Variants in COL19A1 observed in about 807,000 individuals in gnomAD.
COL19A1 encodes collagen type XIX alpha 1 chain, also known as collagen alpha-1(XIX) chain.
COL19A1 carries 159 observed loss-of-function variants against 190.2 expected under a neutral mutation model. The observed-to-expected ratio is 0.84, with a 90% CI of 0.73 to 0.95. The LOEUF (loss-of-function observed/expected upper bound fraction) is 0.95. COL19A1 is among the 40% of genes least tolerant of loss of function. The probability of loss-of-function intolerance (pLI) is 0.00; values close to 1 mark genes in which losing one functional copy is unlikely to be tolerated. For synonymous variants in COL19A1, 509 were observed against 458.9 expected (o/e 1.11, Z -1.39); for missense variants, 1,418 against 1,431.9 (o/e 0.99, Z 0.16).
chr6:70,161,951 C>A lies in COL19A1; in HGVS notation c.2344C>A (p.Pro782Thr), dbSNP rs1787835603. The A allele has an allele frequency of 6.3e-7, 1 of 1,598,204 alleles. No homozygotes were observed. Among genetic ancestry groups the A allele is most frequent in the Non-Finnish European group, 8.5e-7 (1 of 1,173,268 alleles). ...IPGAPGPTGP[P>T]GLMGRTGHPG... The stretch of plus-strand genomic sequence containing the variant: ...AGGTGCTCCAGGCCCGACTGGACCC[C>A]CTGTAAGTATTTGTTAAAACGATTG... The change falls in exon 35 of 51, where the codon CCT (proline) becomes ACT (threonine). Residue 782 changes from proline to threonine, a missense_variant and splice_region_variant. By Grantham distance (38) the Pro-to-Thr change is conservative. Transcript: ENST00000620364.
rs116609638 is a variant in COL19A1, at chr6:70,047,981, G to A, written c.1170+12042G>A. On this transcript the variant is annotated intron_variant, in intron 14 of 50. Coordinates refer to ENST00000620364, the MANE Select transcript of COL19A1 (RefSeq NM_001858.6). ...AAAATGGCTGTGTTGCTCTGGCCAT[G>A]TCTCTTTGGGAAGTTATTAAATACT... 8.9e-3 allele frequency among the ~76,000 whole-genome samples: 1,348 copies of A among 152,208 alleles called. 16 individuals carry two copies. The highest frequency in any genetic ancestry group is 0.031 in the African/African-American group (1,279 of 41,544).
chr6:70,043,989 G>A (rs970056118), intron 14 of COL19A1, among the ~76,000 whole-genome samples: 1 of 152,196 alleles, frequency 6.6e-6, no homozygotes, highest in Non-Finnish European at 1.5e-5. Context: ...GTTGCGTGGT[G>A]TGGTTACCTT....
intron 38 of COL19A1, 32 bp from the exon 39 acceptor site, chr6:70,168,138 CT>C (rs1423519324): frequency 2.6e-6 from 4 of 1,553,664 alleles, no homozygotes; most frequent in Non-Finnish European, 3.5e-6. Flanking sequence ...TCTCATCTTT[CT>C]CTTTTTCTTT....
At chr6:70,198,010 G>C (rs779731378) in intron 48 of COL19A1, among the ~76,000 whole-genome samples, 18 of 152,034 alleles carry the variant, frequency 1.2e-4, no homozygotes, top group Non-Finnish European at 2.5e-4. Context: ...AAAACTCATG[G>C]GAAAACAGAT....
rs1439478080 is a variant in COL19A1, at chr6:70,207,181, C to A, written c.3336C>A (p.Gly1112=). 6.8e-6 allele frequency: 11 copies of A among 1,613,016 alleles called. No homozygotes were observed. Among genetic ancestry groups the A allele is most frequent in the Non-Finnish European group, 9.3e-6 (11 of 1,179,214 alleles). Residue 1112 remains glycine (G), a synonymous_variant, in exon 51 of 51, where the codon GGC becomes GGA. Transcript: ENST00000620364. ...TGCCAGGCTCACCAGGTGCCCCAGG[C>A]CCACAGGGCCCCCCAGGACCCAGTG... The part of the protein sequence containing the change: ...LGLPGSPGAP[G]PQGPPGPSGR...
At chr6:69,902,135 G>C (rs1770230893) in intron 4 of COL19A1, among the ~76,000 whole-genome samples, 1 of 152,158 alleles carries the variant, frequency 6.6e-6, no homozygotes, top group Non-Finnish European at 1.5e-5. Flanking sequence ...GTATCAAGTA[G>C]CTTGGCTCAT....
chr6:69,972,308 T>C (rs1426401695), intron 11 of COL19A1, among the ~76,000 whole-genome samples: 3 of 152,226 alleles, frequency 2.0e-5, no homozygotes. Context: ...TTTACCACAA[T>C]TTATAATTAT....
intron 9 of COL19A1, among the ~76,000 whole-genome samples, chr6:69,948,167 T>C (rs1244885755): frequency 1.3e-5 from 2 of 151,848 alleles, no homozygotes; most frequent in Admixed American, 1.3e-4. Context: ...TTTCAGATCA[T>C]TAGGAGTTTT....
chr6:70,059,112 G>A (rs762458459), intron 14 of COL19A1, among the ~76,000 whole-genome samples: 1 of 151,960 alleles, frequency 6.6e-6, no homozygotes, highest in African/African-American at 2.4e-5. Flanking sequence ...CCTAGTAGTA[G>A]TTTAGAATTT....
intron 4 of COL19A1, among the ~76,000 whole-genome samples, chr6:69,919,954 G>C (rs1771585131): frequency 6.6e-6 from 1 of 152,056 alleles, no homozygotes. Flanking sequence ...AGGGGGTGCA[G>C]TATGTGCCAA....
At chr6:69,969,187 A>T (rs572655395) in intron 11 of COL19A1, among the ~76,000 whole-genome samples, 19 of 152,314 alleles carry the variant, frequency 1.2e-4, no homozygotes, top group Admixed American at 2.6e-4. Flanking sequence ...ATAAAATCTT[A>T]ATATTTTGAC....
intron 11 of COL19A1, among the ~76,000 whole-genome samples, chr6:70,017,663 C>T (rs911488174): frequency 6.6e-5 from 10 of 152,052 alleles, no homozygotes; most frequent in African/African-American, 1.7e-4. Flanking sequence ...GGAGCAGCAA[C>T]ACTTAGAGGA....
chr6:70,179,553 A>T (rs1190445162), intron 42 of COL19A1, among the ~76,000 whole-genome samples: 1 of 152,206 alleles, frequency 6.6e-6, no homozygotes, highest in Non-Finnish European at 1.5e-5. Flanking sequence ...ATGGCTTTTC[A>T]AATCAAACAT....
intron 11 of COL19A1, among the ~76,000 whole-genome samples, chr6:69,997,026 T>TATAG (rs576813975): frequency 9.0e-4 from 132 of 146,968 alleles, no homozygotes; most frequent in Middle Eastern, 3.5e-3. Context: ...TATATATATA[T>TATAG]AGAGAGAGAG....
chr6:69,895,249 C>T (rs969395100), intron 2 of COL19A1, among the ~76,000 whole-genome samples: 3 of 152,124 alleles, frequency 2.0e-5, no homozygotes, highest in Non-Finnish European at 4.4e-5. Flanking sequence ...AAAAGTCTCC[C>T]GACCCCAAGG....
intron 14 of COL19A1, among the ~76,000 whole-genome samples, chr6:70,058,125 G>A (rs560715666): frequency 2.6e-5 from 4 of 152,046 alleles, no homozygotes; most frequent in South Asian, 2.1e-4. Context: ...AAACAATAGC[G>A]ACAGAGAACA....
chr6:70,174,832 G>T (rs576543840), intron 41 of COL19A1, among the ~76,000 whole-genome samples: 26 of 152,288 alleles, frequency 1.7e-4, no homozygotes, highest in African/African-American at 6.0e-4. Flanking sequence ...ACCATCAATG[G>T]ATTAGGGTTT....
At chr6:69,963,906 A>T (rs1454961509) in intron 11 of COL19A1, among the ~76,000 whole-genome samples, 1 of 152,248 alleles carries the variant, frequency 6.6e-6, no homozygotes, top group Admixed American at 6.5e-5. Flanking sequence ...CAGAGAATAG[A>T]ATGCTTGGTC....
intron 11 of COL19A1, among the ~76,000 whole-genome samples, chr6:70,006,461 C>T (rs977383295): frequency 9.9e-5 from 15 of 152,186 alleles, no homozygotes; most frequent in Non-Finnish European, 1.8e-4. Context: ...CTCTATGGAT[C>T]ATGCCAGTCA....
Sources: gnomAD v4.1 joint callset for allele counts (sites outside exome capture counted in the v4.1 genomes callset) on GRCh38, gnomAD v4.1.1 for gene constraint, MANE v1.5 for transcripts, NCBI Gene and HGNC (gene_info 2026-07-23, HGNC 2026-07-21) for gene names.